Variants in ELF1 observed in about 807,000 individuals in gnomAD.
ELF1 encodes ETS-related transcription factor Elf-1.
A neutral mutation model predicts 59.9 loss-of-function variants in ELF1; 24 were observed. That is an observed-to-expected ratio of 0.40 (90% CI 0.29 to 0.56). The LOEUF is 0.56. Ranked by LOEUF, ELF1 falls within the 20% of genes least tolerant of loss-of-function variation. The pLI, the probability that ELF1 is intolerant of heterozygous loss-of-function variation, is 0.44. For synonymous variants in ELF1, 248 were observed against 266.2 expected (o/e 0.93, Z 0.67); for missense variants, 627 against 742.2 (o/e 0.84, Z 1.80).
chr13:40,987,624 GAATC>G, intron 1 of ELF1, among the ~76,000 whole-genome samples: 1 of 147,954 alleles, frequency 6.8e-6, no homozygotes, highest in South Asian at 2.2e-4. Context: ...TTAATAAAGA[GAATC>G]AATCAAACAA....
intron 1 of ELF1, among the ~76,000 whole-genome samples, chr13:41,012,417 T>C (rs763419950): frequency 1.3e-5 from 2 of 151,580 alleles, no homozygotes; most frequent in Non-Finnish European, 3.0e-5. Flanking sequence ...TTGTTTGTTT[T>C]TGTTTTTCTG....
intron 1 of ELF1, among the ~76,000 whole-genome samples, chr13:41,042,570 G>C (rs1308416874): frequency 6.6e-6 from 1 of 151,236 alleles, no homozygotes; most frequent in Non-Finnish European, 1.5e-5. Flanking sequence ...TTGGTTTTTT[G>C]TCCTTGCGAT....
intron 8 of ELF1, among the ~76,000 whole-genome samples, chr13:40,934,250 T>A (rs1425384840): frequency 6.6e-6 from 1 of 152,068 alleles, no homozygotes; most frequent in East Asian, 1.9e-4. Flanking sequence ...TATGATACCA[T>A]CTGCTGAGTG....
At chr13:40,987,283 G>A (rs959302491) in intron 1 of ELF1, among the ~76,000 whole-genome samples, 2 of 148,494 alleles carry the variant, frequency 1.3e-5, no homozygotes, top group African/African-American at 2.5e-5. Context: ...AACTGTTTAT[G>A]GTGAAAATTA....
chr13:41,002,634 A>C (rs1476161748), intron 1 of ELF1, among the ~76,000 whole-genome samples: 3 of 151,806 alleles, frequency 2.0e-5, no homozygotes, highest in Non-Finnish European at 2.9e-5. Flanking sequence ...TAAATAAATA[A>C]ATAAATCAGT....
At position 40,941,105 on chromosome 13, in the gene ELF1, G is replaced by C; in HGVS notation, c.1072C>G (p.Pro358Ala). 1 of 1,614,146 alleles carries C rather than the reference G, an allele frequency of 6.2e-7. No homozygotes were observed. The highest frequency in any genetic ancestry group is 8.5e-7 in the Non-Finnish European group (1 of 1,180,028). ...GNSKAAKPKD[P>A]VEVAQPSEVL... The stretch of plus-strand genomic sequence containing the variant: ...TCTGATGGTTGTGCAACTTCCACAG[G>C]ATCTTTGGGTTTTGCAGCTTTAGAA... Residue 358 changes from proline (P) to alanine (A), a missense_variant, in exon 8 of 9, where the codon CCT becomes GCT. Coordinates refer to ENST00000239882, the MANE Select transcript of ELF1 (RefSeq NM_172373.4).
intron 2 of ELF1, among the ~76,000 whole-genome samples, chr13:40,975,242 G>T (rs758995936): frequency 2.6e-5 from 4 of 152,154 alleles, no homozygotes; most frequent in Non-Finnish European, 5.9e-5. Flanking sequence ...CTTACTTTAT[G>T]AGGTACACCT....
chr13:41,018,261 A>G (rs1332013631), intron 1 of ELF1, among the ~76,000 whole-genome samples: 1 of 152,220 alleles, frequency 6.6e-6, no homozygotes, highest in Non-Finnish European at 1.5e-5. Flanking sequence ...TAGAACTTTA[A>G]GGCACAGTAG....
intron 1 of ELF1, among the ~76,000 whole-genome samples, chr13:41,060,656 C>T (rs1877511298): frequency 6.6e-6 from 1 of 152,060 alleles, no homozygotes; most frequent in East Asian, 1.9e-4. Context: ...CAGACGGGGA[C>T]AAGAAAGGAG....
chr13:40,969,803 T>G (rs1260889801), intron 2 of ELF1, among the ~76,000 whole-genome samples: 3 of 152,158 alleles, frequency 2.0e-5, no homozygotes, highest in Non-Finnish European at 4.4e-5. Context: ...CCTCCTAGGC[T>G]TGAGATCCTC....
At chr13:41,042,973 C>T (rs1417664161) in intron 1 of ELF1, among the ~76,000 whole-genome samples, 6 of 152,156 alleles carry the variant, frequency 3.9e-5, no homozygotes. Flanking sequence ...CTGTTCTTTC[C>T]TGACTTTTTA....
chr13:40,946,009 A>G (rs1229982233), intron 5 of ELF1, among the ~76,000 whole-genome samples: 2 of 152,048 alleles, frequency 1.3e-5, no homozygotes, highest in African/African-American at 4.8e-5. Flanking sequence ...ATGCCTGGCT[A>G]ATTTTTTTCC....
At chr13:41,006,864 A>G (rs901261901) in intron 1 of ELF1, among the ~76,000 whole-genome samples, 6 of 152,208 alleles carry the variant, frequency 3.9e-5, no homozygotes, top group Non-Finnish European at 7.3e-5. Context: ...AATTTAGTAC[A>G]TACGTACATT....
chr13:41,018,852 G>A (rs1241141350), intron 1 of ELF1, among the ~76,000 whole-genome samples: 4 of 151,872 alleles, frequency 2.6e-5, no homozygotes, highest in Non-Finnish European at 4.4e-5. Context: ...GGAATAATAC[G>A]GTTTACTTAA....
intron 3 of ELF1, among the ~76,000 whole-genome samples, chr13:40,957,856 T>A (rs1871552073): frequency 6.6e-6 from 1 of 152,228 alleles, no homozygotes; most frequent in South Asian, 2.1e-4. Context: ...TTTCCCCGAT[T>A]TAAAACATTA....
rs1870825836 is a variant in ELF1 at position 40,951,224 on chromosome 13, A to C, written c.361+105T>G. The C allele has an allele frequency of 3.2e-6, 3 of 948,096 alleles. No homozygotes were observed. The African/African-American group carries it at 5.0e-5, about 16-fold the overall frequency. 58.7% of individuals were successfully genotyped at this position (948,096 alleles called of 1,614,324 possible). On this transcript the variant is annotated intron_variant, in intron 4 of 8. Coordinates refer to ENST00000239882, the MANE Select transcript of ELF1 (RefSeq NM_172373.4). ...CTATACCTTAAAATGTGATTGTAAC[A>C]AAAAATATATAACATCATTTCTAAT...
chr13:40,976,165 A>T (rs1231922736), intron 2 of ELF1, among the ~76,000 whole-genome samples: 1 of 152,210 alleles, frequency 6.6e-6, no homozygotes, highest in Non-Finnish European at 1.5e-5. Context: ...ATTTCTGAGC[A>T]AACAGTGGGG....
At position 40,975,481 on chromosome 13, in the gene ELF1, C is replaced by A. The variant is rs148092932; in HGVS notation, c.72+6502G>T. On this transcript the variant is annotated intron_variant, in intron 2 of 8. Transcript: ENST00000239882. ...AGATTTAATAAATGTGAACAACTGT[C>A]ATTTAACACATTTTATTTATTTACA... Among the ~76,000 whole-genome samples, 28 of 152,268 alleles carry A rather than the reference C, an allele frequency of 1.8e-4. No homozygotes were observed. The East Asian group carries it at 4.2e-3, about 23-fold the overall frequency.
intron 1 of ELF1, among the ~76,000 whole-genome samples, chr13:41,042,799 T>C (rs1431983785): frequency 6.6e-6 from 1 of 152,198 alleles, no homozygotes; most frequent in East Asian, 1.9e-4. Context: ...AGCAGCATGA[T>C]TTATAATCCT....
Sources: gnomAD v4.1 joint callset for allele counts (sites outside exome capture counted in the v4.1 genomes callset) on GRCh38, gnomAD v4.1.1 for gene constraint, MANE v1.5 for transcripts, NCBI Gene and HGNC (gene_info 2026-07-23, HGNC 2026-07-21) for gene names.